SALL4: variants seen among roughly 807,000 people sequenced by gnomAD.
SALL4 encodes spalt like transcription factor 4, also known as sal-like protein 4.
Under a neutral mutation model 60.8 loss-of-function variants are expected in SALL4, and 4 were observed. That is an observed-to-expected ratio of 0.07 (90% CI 0.03 to 0.15). The LOEUF is 0.15. Among genes scored for constraint, SALL4 ranks in the 10% least tolerant of loss-of-function variants. The pLI is 1.00. For missense variants in SALL4, 1,178 were observed against 1,394.7 expected (o/e 0.84, Z 2.48); for synonymous variants, 580 against 574.9 (o/e 1.01, Z -0.13).
chr20:51,793,956 C>T (rs1201711627), intron 1 of SALL4, among the ~76,000 whole-genome samples: 1 of 152,172 alleles, frequency 6.6e-6, no homozygotes, highest in Non-Finnish European at 1.5e-5. Flanking sequence ...CCAACCTAGC[C>T]TTGCCTATCA....
rs2078108997 is a variant in SALL4, at chr20:51,801,442, C to T, written c.130+837G>A. On this transcript the variant is annotated intron_variant, in intron 1 of 3. Coordinates refer to ENST00000217086, the MANE Select transcript of SALL4 (RefSeq NM_020436.5). This position sits in a 1 kb window ranked among gnomAD's most constrained non-coding sequence, Gnocchi z 5.2. The stretch of plus-strand genomic sequence containing the variant: ...ACGCAAAACGGGAGGCCGGTGCACC[C>T]CAGTGGGGCTGCCGCGCGCCCGCCA... The T allele has an allele frequency of 2.6e-5, 4 of 152,224 alleles. 1 individual carries two copies. Among genetic ancestry groups the T allele is most frequent in the African/African-American group, 9.7e-5 (4 of 41,448 alleles). 9.4% of individuals were successfully genotyped at this position (152,224 alleles called of 1,614,324 possible). A position where few individuals can be genotyped will look rare whatever the true frequency, so the allele number is the denominator to read the frequency against.
At chr20:51,792,384 G>C (rs773741955) in intron 1 of SALL4, 32 bp from the exon 2 acceptor site, 22 of 1,599,304 alleles carry the variant, frequency 1.4e-5, no homozygotes, top group Non-Finnish European at 1.7e-5. Context: ...TAAGGACTCT[G>C]CCCAAGTAAA....
intron 1 of SALL4, among the ~76,000 whole-genome samples, chr20:51,793,905 G>A (rs1000076739): frequency 1.3e-5 from 2 of 152,194 alleles, no homozygotes; most frequent in Non-Finnish European, 2.9e-5. Context: ...CAACAGCCAT[G>A]GGCAGGTCTG....
chr20:51,799,805 CCT>C (rs1037525713), intron 1 of SALL4, among the ~76,000 whole-genome samples: 2 of 152,170 alleles, frequency 1.3e-5, no homozygotes, highest in Non-Finnish European at 2.9e-5. Flanking sequence ...TAGTGTTAGC[CCT>C]GCGACCACCT....
rs1568865268 is a variant in SALL4 at position 51,791,639 on chromosome 20, G to C, written c.844C>G (p.Gln282Glu). 6.2e-7 allele frequency: 1 copy of C among 1,614,028 alleles called. No homozygotes were observed. The highest frequency in any genetic ancestry group is 8.5e-7 in the Non-Finnish European group (1 of 1,180,044). The part of the protein sequence containing the change: ...VALLSQKAGS[Q>E]GLSLDALKQA... ...TTCAAGGCATCCAGAGACAGACCTTGGCTTCCAGCTTTCTGGCTGAGCAAA... is the reference window on the plus strand; with the variant it reads ...TTCAAGGCATCCAGAGACAGACCTTCGCTTCCAGCTTTCTGGCTGAGCAAA... The change falls in exon 2 of 4, where the codon CAA becomes GAA. Residue 282 changes from glutamine (Q) to glutamate (E), a missense_variant. Around this residue, in one of 5 missense-constraint regions of SALL4, gnomAD observed 853 missense variants for 1,036.8 expected, o/e 0.82. Coordinates refer to ENST00000217086, the MANE Select transcript of SALL4 (RefSeq NM_020436.5). This position sits in a 1 kb window ranked among gnomAD's most constrained non-coding sequence, Gnocchi z 4.6.
At position 51,791,826 on chromosome 20, in the gene SALL4, C is replaced by T. The variant is rs1402216010; in HGVS notation, c.657G>A (p.Leu219=). The change falls in exon 2 of 4, where the codon TTG becomes TTA. Residue 219 remains leucine (L), a synonymous_variant. Transcript: ENST00000217086. This position sits in a 1 kb window ranked among gnomAD's most constrained non-coding sequence, Gnocchi z 4.6. The part of the protein sequence containing the change: ...NSIPWVLEQI[L]CLQQQQLQQI... The stretch of plus-strand genomic sequence containing the variant: ...GCTGTAGCTGCTGCTGCTGCAGACA[C>T]AAGATCTGCTCGAGGACCCACGGGA... 2 of 1,614,170 alleles carry T rather than the reference C, an allele frequency of 1.2e-6. No individual in the cohort carries two copies. Among genetic ancestry groups the T allele is most frequent in the Non-Finnish European group, 1.7e-6 (2 of 1,180,054 alleles).
At chr20:51,796,255 A>T (rs1419200656) in intron 1 of SALL4, among the ~76,000 whole-genome samples, 4 of 151,756 alleles carry the variant, frequency 2.6e-5, no homozygotes, top group African/African-American at 9.7e-5. Context: ...AACCCTCAAT[A>T]AAGCCCATGC....
At chr20:51,786,585 G>A (rs1020756008) in intron 3 of SALL4, among the ~76,000 whole-genome samples, 1 of 152,178 alleles carries the variant, frequency 6.6e-6, no homozygotes, top group Non-Finnish European at 1.5e-5. Flanking sequence ...AAACTGTAGA[G>A]TGCACAACAT....
rs774714248 is a variant in SALL4 at position 51,791,824 on chromosome 20, C to T, written c.659G>A (p.Cys220Tyr). The change falls in exon 2 of 4, where the codon TGT becomes TAT. Residue 220 changes from cysteine to tyrosine, a missense_variant. Cys to Tyr is a radical substitution (Grantham distance 194, BLOSUM62 -2). Transcript: ENST00000217086. This position sits in a 1 kb window ranked among gnomAD's most constrained non-coding sequence, Gnocchi z 4.6. ...SIPWVLEQIL[C>Y]LQQQQLQQIQ... is the part of the protein sequence containing the mutation. ...CTGCTGTAGCTGCTGCTGCTGCAGACACAAGATCTGCTCGAGGACCCACGG... is the reference window on the plus strand; with the variant it reads ...CTGCTGTAGCTGCTGCTGCTGCAGATACAAGATCTGCTCGAGGACCCACGG... 4 of 1,614,126 alleles carry T rather than the reference C, an allele frequency of 2.5e-6. No homozygotes were observed. Among genetic ancestry groups the T allele is most frequent in the Middle Eastern group, 3.3e-4 (2 of 6,062 alleles).
rs963183882 is a variant in SALL4, at chr20:51,783,047, G to C, written c.*1218C>G. 1.3e-5 allele frequency: 2 copies of C among 152,144 alleles called. No homozygotes were observed. Among genetic ancestry groups the C allele is most frequent in the African/African-American group, 2.4e-5 (1 of 41,416 alleles). The allele number at this position is 152,144 out of a possible 1,614,324, so 9.4% of individuals were successfully genotyped here. On this transcript the variant is annotated 3_prime_UTR_variant, in exon 4 of 4. Transcript: ENST00000217086. ...TCGTCATAATTACTTGGCATAAGTC[G>C]CACCAAGGAAATTCAACAAAAGCAA...
rs987761525 is a variant in SALL4 at position 51,801,291 on chromosome 20, T to C, written c.130+988A>G. Among the ~76,000 whole-genome samples, 27 of 152,118 alleles carry C rather than the reference T, an allele frequency of 1.8e-4. No individual in the cohort carries two copies. Among genetic ancestry groups the C allele is most frequent in the African/African-American group, 6.3e-4 (26 of 41,444 alleles). On this transcript the variant is annotated intron_variant, in intron 1 of 3. Coordinates refer to ENST00000217086, the MANE Select transcript of SALL4 (RefSeq NM_020436.5). The surrounding 1 kb of genome is among the most constrained non-coding windows in gnomAD (Gnocchi z 5.2). Reference sequence around the variant, plus strand: ...GCGCGGCTGGGGTCCCGAACTCCCCTCGATCTGGGAAACGCTGGCCGCGGA... The same window carrying C: ...GCGCGGCTGGGGTCCCGAACTCCCCCCGATCTGGGAAACGCTGGCCGCGGA...
chr20:51,791,024 G>C lies in SALL4; in HGVS notation c.1459C>G (p.Gln487Glu). 6.2e-7 allele frequency: 1 copy of C among 1,614,162 alleles called. No homozygotes were observed. The highest frequency in any genetic ancestry group is 1.1e-5 in the South Asian group (1 of 91,080). ...GGATTAGTCCCCGAAGAAAGATTCT[G>C]AGGTAGCCCTACAGAGGTGGTTACA... is the stretch of plus-strand genomic sequence containing the variant. ...VLVTTSVGLP[Q>E]NLSSGTNPKD... The change falls in exon 2 of 4, where the codon CAG becomes GAG. Residue 487 changes from glutamine (Q) to glutamate (E), a missense_variant. This residue lies in a region of SALL4 where 853 missense variants were observed against 1,036.8 expected (regional missense o/e 0.82). Coordinates refer to ENST00000217086, the MANE Select transcript of SALL4 (RefSeq NM_020436.5). This position sits in a 1 kb window ranked among gnomAD's most constrained non-coding sequence, Gnocchi z 4.6.
chr20:51,788,465 C>T lies in SALL4; in HGVS notation c.2742+396G>A, dbSNP rs1053757420. Among the ~76,000 whole-genome samples the T allele has an allele frequency of 3.3e-5, 5 of 152,060 alleles. No individual in the cohort carries two copies. Among genetic ancestry groups the T allele is most frequent in the East Asian group, 3.9e-4 (2 of 5,158 alleles). On this transcript the variant is annotated intron_variant, in intron 3 of 3. Coordinates refer to ENST00000217086, the MANE Select transcript of SALL4 (RefSeq NM_020436.5). The surrounding 1 kb of genome is among the most constrained non-coding windows in gnomAD (Gnocchi z 4.1). ...CAGCACTTTGGGAGGCCGAGGCAGG[C>T]GGATCACGAGATCAGGAGATCGAGA...
rs759963476 is a variant in SALL4 at position 51,788,977 on chromosome 20, C to G, written c.2626G>C (p.Gly876Arg). The G allele has an allele frequency of 1.2e-6, 2 of 1,614,230 alleles. No homozygotes were observed. The highest frequency in any genetic ancestry group is 1.7e-6 in the Non-Finnish European group (2 of 1,180,046). ...GCGCTAGCAGACGAGAAGTTCTTCC[C>G]ACACCGTGTGCAGCCATGTTGCTTG... Reference protein sequence around the residue: ...QAKQHGCTRCGKNFSSASALQ... With the variant: ...QAKQHGCTRCRKNFSSASALQ... The change falls in exon 3 of 4, where the codon GGG (glycine) becomes CGG (arginine). Residue 876 changes from glycine to arginine, a missense_variant. Physicochemically the swap from Gly to Arg is moderately radical, Grantham distance 125. This residue lies in a region of SALL4 where 37 missense variants were observed against 73.5 expected (regional missense o/e 0.50). Transcript: ENST00000217086. This position sits in a 1 kb window ranked among gnomAD's most constrained non-coding sequence, Gnocchi z 4.1.
intron 3 of SALL4, among the ~76,000 whole-genome samples, chr20:51,785,605 C>T (rs554897355): frequency 1.3e-5 from 2 of 152,306 alleles, no homozygotes; most frequent in African/African-American, 4.8e-5. Flanking sequence ...CCTACTATAT[C>T]CTGGGCATTG....
chr20:51,785,792 C>T (rs898027879), intron 3 of SALL4, among the ~76,000 whole-genome samples: 5 of 151,940 alleles, frequency 3.3e-5, no homozygotes, highest in East Asian at 2.0e-4. Flanking sequence ...TACAGGCACG[C>T]GCCACCATGC....
Position 51,784,511 on chromosome 20 carries a change from G to A in SALL4, c.2916C>T (p.Tyr972=), listed in dbSNP as rs770727787. 43 of 1,614,038 alleles carry A rather than the reference G, an allele frequency of 2.7e-5. No homozygotes were observed. The highest frequency in any genetic ancestry group is 1.1e-4 in the South Asian group (10 of 91,076). ...CCAGACCGCCATTGAGCATGCTGGT[G>A]TACTGGTTCCACACAACAGGGTCCA... ...VNVDPVVWNQ[Y]TSMLNGGLAV... Residue 972 remains tyrosine, a synonymous_variant, in exon 4 of 4, where the codon TAC becomes TAT. Transcript: ENST00000217086.
chr20:51,787,133 A>C (rs1449943470), intron 3 of SALL4, among the ~76,000 whole-genome samples: 1 of 151,296 alleles, frequency 6.6e-6, no homozygotes, highest in Non-Finnish European at 1.5e-5. Flanking sequence ...AAACAAAACA[A>C]ATTTTGGGGC....
intron 1 of SALL4, among the ~76,000 whole-genome samples, chr20:51,795,511 T>C (rs1411851078): frequency 6.6e-6 from 1 of 152,212 alleles, no homozygotes; most frequent in Non-Finnish European, 1.5e-5. Context: ...TATCTATCTG[T>C]ATGATTTTCC....
Sources: allele counts gnomAD v4.1 joint callset (sites outside exome capture counted in the v4.1 genomes callset), GRCh38; gene constraint gnomAD v4.1.1; regional missense constraint gnomAD v4.1.1; non-coding constraint Gnocchi (gnomAD v3.1); transcripts MANE v1.5; gene names NCBI Gene and HGNC (gene_info 2026-07-23, HGNC 2026-07-21).